The following CCPG1 variants were observed in gnomAD, a reference collection of about 807,000 sequenced individuals.
CCPG1 encodes the protein cell cycle progression 1.
In CCPG1, 46 loss-of-function variants were observed where a neutral mutation model predicts 81.3. The ratio of observed to expected loss-of-function variants is 0.57; its 90% CI spans 0.45 to 0.72. The LOEUF (loss-of-function observed/expected upper bound fraction) is 0.72, where lower values mean the gene tolerates loss of function less well. CCPG1 is among the 30% of genes least tolerant of loss of function. The pLI is 0.00. For missense variants in CCPG1, 902 were observed against 937.6 expected (o/e 0.96, Z 0.50); for synonymous variants, 330 against 305.2 (o/e 1.08, Z -0.85).
Position 55,360,628 on chromosome 15 carries a change from A to C in CCPG1, c.1145T>G (p.Leu382Arg). 3.1e-6 allele frequency: 5 copies of C among 1,614,142 alleles called. No individual in the cohort carries two copies. Among genetic ancestry groups the C allele is most frequent in the Non-Finnish European group, 4.2e-6 (5 of 1,180,020 alleles). ...TCGTTCTCTCTCCAGTTCTCTCTTT[A>C]GCATCTTTGCTTCTGTCAACAGAGT... Reference protein sequence around the residue: ...RETLLTEAKMLKRELERERLV... With the variant: ...RETLLTEAKMRKRELERERLV... Residue 382 changes from leucine to arginine, a missense_variant, in exon 8 of 9, where the codon CTA becomes CGA. Physicochemically the swap from Leu to Arg is moderately radical, Grantham distance 102. Around this residue, in one of 3 missense-constraint regions of CCPG1, gnomAD observed 746 missense variants for 728.6 expected, o/e 1.02. Coordinates refer to ENST00000442196, the MANE Select transcript of CCPG1 (RefSeq NM_001204450.2).
chr15:55,402,079 G>C (rs546136937), intron 1 of CCPG1, among the ~76,000 whole-genome samples: 1 of 152,190 alleles, frequency 6.6e-6, no homozygotes, highest in African/African-American at 2.4e-5. Flanking sequence ...ATTTTCCCCT[G>C]AATCTATAGC....
chr15:55,368,839 C>T (rs1212253567), intron 6 of CCPG1, among the ~76,000 whole-genome samples: 3 of 152,186 alleles, frequency 2.0e-5, no homozygotes, highest in Admixed American at 1.3e-4. Context: ...GGGCCAGGCA[C>T]GGTGGCTCAC....
intron 6 of CCPG1, among the ~76,000 whole-genome samples, chr15:55,370,037 A>C (rs966319438): frequency 6.6e-6 from 1 of 152,234 alleles, no homozygotes; most frequent in African/African-American, 2.4e-5. Flanking sequence ...TCTTATTACA[A>C]CAAATTTCAA....
intron 3 of CCPG1, among the ~76,000 whole-genome samples, chr15:55,384,322 C>T (rs1396049654): frequency 2.0e-5 from 3 of 152,108 alleles, no homozygotes; most frequent in Non-Finnish European, 4.4e-5. Context: ...TCTCTGATCA[C>T]AGATCACCAT....
intron 1 of CCPG1, among the ~76,000 whole-genome samples, chr15:55,396,626 C>T (rs2057021881): frequency 6.6e-6 from 1 of 152,126 alleles, no homozygotes; most frequent in South Asian, 2.1e-4. Flanking sequence ...AGACTTATGT[C>T]GACAAAAACA....
At chr15:55,356,542 C>G (rs968195581) in intron 8 of CCPG1, 133 bp from the exon 9 acceptor site, 1 of 1,233,934 alleles carries the variant, frequency 8.1e-7, no homozygotes, top group East Asian at 2.9e-5. Context: ...GAATTACAAT[C>G]CTAGTATATC....
chr15:55,395,914 G>A (rs940153663), intron 1 of CCPG1, among the ~76,000 whole-genome samples: 1 of 152,038 alleles, frequency 6.6e-6, no homozygotes, highest in East Asian at 1.9e-4. Flanking sequence ...CCAGCACTTT[G>A]GGAGGCCAAG....
chr15:55,377,471 G>A (rs1032781749), intron 4 of CCPG1, among the ~76,000 whole-genome samples: 9 of 152,146 alleles, frequency 5.9e-5, no homozygotes, highest in African/African-American at 1.4e-4. Context: ...GGTTCTATTC[G>A]AGCACAACTC....
intron 3 of CCPG1, among the ~76,000 whole-genome samples, chr15:55,381,120 G>C (rs1390370268): frequency 1.3e-5 from 2 of 151,464 alleles, no homozygotes; most frequent in Admixed American, 6.6e-5. Flanking sequence ...CTGGGCAACA[G>C]AGCAAGACAC....
At chr15:55,403,816 C>T (rs2057168658) in intron 1 of CCPG1, among the ~76,000 whole-genome samples, 2 of 152,214 alleles carry the variant, frequency 1.3e-5, no homozygotes, top group African/African-American at 4.8e-5. Context: ...TCCAGCAGTT[C>T]TGCACTGTTA....
At chr15:55,407,622 G>A (rs985339102) in intron 1 of CCPG1, among the ~76,000 whole-genome samples, 1 of 152,198 alleles carries the variant, frequency 6.6e-6, no homozygotes, top group African/African-American at 2.4e-5. Flanking sequence ...TGGGACAGCT[G>A]CTAATGAGGA....
chr15:55,395,613 G>C (rs7169776), intron 1 of CCPG1, among the ~76,000 whole-genome samples: 149,357 of 152,012 alleles, frequency 0.98, 73,421 homozygotes, highest in East Asian at 1. Context: ...TACCTCCACC[G>C]AAACTCCTCT....
Position 55,356,830 on chromosome 15 carries a change from A to AC in CCPG1, c.2235-422dup, listed in dbSNP as rs2056087721. ...TTTTCTTACAGCAAAAGCTCACAAC[A>AC]CCTACACCGCTTTCCTTAATGTCTA... On this transcript the variant is annotated intron_variant, in intron 8 of 8. Coordinates refer to ENST00000442196, the MANE Select transcript of CCPG1 (RefSeq NM_001204450.2). The AC allele has an allele frequency of 6.1e-6, 6 of 989,606 alleles. No homozygotes were observed. The East Asian group carries it at 3.4e-4, about 55-fold the overall frequency. The allele number at this position is 989,606 out of a possible 1,614,324, so 61.3% of individuals were successfully genotyped here.
chr15:55,377,042 C>A lies in CCPG1; in HGVS notation c.361G>T (p.Glu121Ter), dbSNP rs2056581632. The A allele has an allele frequency of 1.2e-6, 2 of 1,613,738 alleles. No individual in the cohort carries two copies. The highest frequency in any genetic ancestry group is 3.3e-5 in the Admixed American group (2 of 60,000). The change falls in exon 5 of 9, where the codon GAA becomes TAA. Residue 121 changes from glutamate (E) to a stop codon, truncating the protein, a stop_gained. Coordinates refer to ENST00000442196, the MANE Select transcript of CCPG1 (RefSeq NM_001204450.2). LOFTEE classifies it high-confidence loss of function. ...TGTGCTTCTTCAACAATGACAACTT[C>A]TTGATTTCCAATTTCTTCTAACTTA... ...PPKLEEIGNQ[E>*]VVIVEEAQSS...
chr15:55,380,322 GTCC>G (rs1028749450), intron 3 of CCPG1, among the ~76,000 whole-genome samples: 6 of 149,154 alleles, frequency 4.0e-5, no homozygotes, highest in African/African-American at 1.5e-4. Context: ...TTGAGACGGA[GTCC>G]CCCTCTGTCG....
chr15:55,407,037 A>ACC lies in CCPG1; in HGVS notation c.-10+1182_-10+1183dup, dbSNP rs751198168. On this transcript the variant is annotated intron_variant, in intron 1 of 8. Coordinates refer to ENST00000442196, the MANE Select transcript of CCPG1 (RefSeq NM_001204450.2). Reference sequence around the variant, plus strand: ...AGACCAGCCTGGCCGACACGTTGAGACCCCCCCCCCCGCCCCGCCGTCTCT... The same window carrying ACC: ...AGACCAGCCTGGCCGACACGTTGAGACCCCCCCCCCCCCGCCCCGCCGTCTCT... Among the ~76,000 whole-genome samples, 24 of 112,688 alleles carry ACC rather than the reference A, an allele frequency of 2.1e-4. 2 individuals are homozygous for ACC. Among genetic ancestry groups the ACC allele is most frequent in the African/African-American group, 1.0e-3 (22 of 21,880 alleles). The allele number at this position is 112,688 out of a possible 152,430, so 73.9% of individuals were successfully genotyped here.
chr15:55,394,238 G>A (rs553614627), intron 1 of CCPG1, among the ~76,000 whole-genome samples: 13 of 152,092 alleles, frequency 8.5e-5, no homozygotes, highest in Middle Eastern at 3.4e-3. Flanking sequence ...CACCCACCTC[G>A]GCCTCCCAAA....
rs757443410 is a variant in CCPG1 at position 55,385,729 on chromosome 15, T to C, written c.61-15A>G. Reference sequence around the variant, plus strand: ...ATATCTGACCCCTAAGGAAAAGTGATAATCTTTCAGTTATTTGCCTATTAG... The same window carrying C: ...ATATCTGACCCCTAAGGAAAAGTGACAATCTTTCAGTTATTTGCCTATTAG... On this transcript the variant is annotated splice_polypyrimidine_tract_variant and intron_variant, in intron 2 of 8. Coordinates refer to ENST00000442196, the MANE Select transcript of CCPG1 (RefSeq NM_001204450.2). 7.1e-7 allele frequency: 1 copy of C among 1,412,114 alleles called. No homozygotes were observed. Among genetic ancestry groups the C allele is most frequent in the East Asian group, 2.3e-5 (1 of 43,900 alleles). The allele number at this position is 1,412,114 out of a possible 1,614,324, so 87.5% of individuals were successfully genotyped here.
intron 1 of CCPG1, among the ~76,000 whole-genome samples, chr15:55,398,757 T>C (rs2057070754): frequency 6.6e-6 from 1 of 152,074 alleles, no homozygotes; most frequent in South Asian, 2.1e-4. Flanking sequence ...AATTTTTGTA[T>C]TTTTAGTAGA....
Sources: gnomAD v4.1 joint callset for allele counts (sites outside exome capture counted in the v4.1 genomes callset) on GRCh38, gnomAD v4.1.1 for gene constraint, gnomAD v4.1.1 regional missense constraint, MANE v1.5 for transcripts, NCBI Gene and HGNC (gene_info 2026-07-23, HGNC 2026-07-21) for gene names.